Variants in FGF14 observed in about 807,000 individuals in gnomAD.
FGF14 encodes the protein fibroblast growth factor 14.
In FGF14, 5 loss-of-function variants were observed where a neutral mutation model predicts 25.5. That is an observed-to-expected ratio of 0.20 (90% CI 0.10 to 0.41). The LOEUF (loss-of-function observed/expected upper bound fraction) is 0.41. Ranked by LOEUF, FGF14 falls within the 10% of genes least tolerant of loss-of-function variation. The pLI is 1.00. For synonymous variants in FGF14, 138 were observed against 118.3 expected (o/e 1.17, Z -1.08); for missense variants, 222 against 320.1 (o/e 0.69, Z 2.34).
In FGF14 at chr13:101,876,815, G is replaced by T. The variant is rs556668938; in HGVS notation, c.194-1519C>A. Among the ~76,000 whole-genome samples the T allele has an allele frequency of 2.0e-5, 3 of 152,098 alleles. No individual in the cohort carries two copies. In the East Asian group the frequency reaches 5.8e-4, roughly 29 times the overall value. On this transcript the variant is annotated intron_variant, in intron 1 of 4. Transcript: ENST00000376143. ...GCACTAGTGGAAAAAAAATACTATT[G>T]TGCCTAAGTCTGCCCATCACCTGGA... is the stretch of plus-strand genomic sequence containing the variant.
At chr13:102,307,505 G>A (rs906835976) in intron 1 of FGF14, among the ~76,000 whole-genome samples, 1 of 152,030 alleles carries the variant, frequency 6.6e-6, no homozygotes, top group African/African-American at 2.4e-5. Flanking sequence ...ACTAAATTCT[G>A]TACAATATCC....
At chr13:102,197,062 A>G (rs1368922170) in intron 1 of FGF14, among the ~76,000 whole-genome samples, 1 of 152,082 alleles carries the variant, frequency 6.6e-6, no homozygotes, top group Non-Finnish European at 1.5e-5. Flanking sequence ...TTCTGTGAGT[A>G]GTATCTGCTA....
At chr13:101,932,338 T>C (rs1310995399) in intron 1 of FGF14, among the ~76,000 whole-genome samples, 1 of 152,026 alleles carries the variant, frequency 6.6e-6, no homozygotes, top group South Asian at 2.1e-4. Flanking sequence ...GTGACCAGCC[T>C]GGCCAACATG....
At chr13:101,839,378 A>T (rs1352107378) in intron 3 of FGF14, among the ~76,000 whole-genome samples, 1 of 152,020 alleles carries the variant, frequency 6.6e-6, no homozygotes, top group East Asian at 1.9e-4. Flanking sequence ...TAGTACTTGA[A>T]GGCGACATTT....
intron 1 of FGF14, among the ~76,000 whole-genome samples, chr13:101,945,495 T>C (rs1383329758): frequency 1.3e-5 from 2 of 152,188 alleles, no homozygotes; most frequent in East Asian, 3.8e-4. Flanking sequence ...CTGCTGGAGT[T>C]GGGGGAGACC....
chr13:102,043,770 G>C (rs2041854126), intron 1 of FGF14, among the ~76,000 whole-genome samples: 1 of 152,094 alleles, frequency 6.6e-6, no homozygotes, highest in South Asian at 2.1e-4. Flanking sequence ...TTATCTTGTT[G>C]ATCTTGGGCA....
intron 3 of FGF14, among the ~76,000 whole-genome samples, chr13:101,826,056 A>G (rs952248637): frequency 5.9e-5 from 9 of 152,146 alleles, no homozygotes; most frequent in African/African-American, 2.2e-4. Context: ...TTATATACAA[A>G]TGCATATCTG....
intron 1 of FGF14, among the ~76,000 whole-genome samples, chr13:102,329,625 T>C (rs77851162): frequency 0.019 from 2,958 of 152,252 alleles, 34 homozygotes; most frequent in Non-Finnish European, 0.032. Context: ...GGCCTTTCAG[T>C]TCCTTGCATC....
rs577183456 is a variant in FGF14, at chr13:101,801,651, T to A, written c.408+67074A>T. Among the ~76,000 whole-genome samples, 5 of 152,048 alleles carry A rather than the reference T, an allele frequency of 3.3e-5. No homozygotes were observed. The South Asian group carries it at 1.0e-3, about 32-fold the overall frequency. On this transcript the variant is annotated intron_variant, in intron 3 of 4. Transcript: ENST00000376143. ...AAGTGGGAGCATCTGAGAAAACAGGTTGGTTAAGAATTAGTTTGAAACACA... is the reference window on the plus strand; with the variant it reads ...AAGTGGGAGCATCTGAGAAAACAGGATGGTTAAGAATTAGTTTGAAACACA...
chr13:102,177,163 C>T (rs971218024), intron 1 of FGF14, among the ~76,000 whole-genome samples: 3 of 152,122 alleles, frequency 2.0e-5, no homozygotes, highest in Non-Finnish European at 2.9e-5. Flanking sequence ...ATGTGAAATA[C>T]GTCTTCATAG....
At chr13:102,247,756 A>G (rs1223766051) in intron 1 of FGF14, among the ~76,000 whole-genome samples, 1 of 152,042 alleles carries the variant, frequency 6.6e-6, no homozygotes, top group Non-Finnish European at 1.5e-5. Context: ...CCCAAAGGAA[A>G]ATACATCGCT....
chr13:101,997,434 T>C (rs758034565), intron 1 of FGF14, among the ~76,000 whole-genome samples: 7 of 152,182 alleles, frequency 4.6e-5, no homozygotes, highest in Non-Finnish European at 1.0e-4. Flanking sequence ...TAAATAAAAT[T>C]ATTAATGCTA....
chr13:102,144,235 TA>T (rs1345294007), intron 1 of FGF14, among the ~76,000 whole-genome samples: 1 of 152,072 alleles, frequency 6.6e-6, no homozygotes, highest in African/African-American at 2.4e-5. Context: ...ATAGTAAGAT[TA>T]AAAAATTTTT....
At chr13:102,068,666 C>G (rs878993376) in intron 1 of FGF14, among the ~76,000 whole-genome samples, 1 of 152,216 alleles carries the variant, frequency 6.6e-6, no homozygotes, top group Non-Finnish European at 1.5e-5. Flanking sequence ...GCCAGCCCAC[C>G]GGCGCTGTGC....
At chr13:102,169,194 G>A (rs1400603803) in intron 1 of FGF14, among the ~76,000 whole-genome samples, 7 of 151,056 alleles carry the variant, frequency 4.6e-5, no homozygotes, top group African/African-American at 1.5e-4. Flanking sequence ...TTATAGGCTC[G>A]GCTTTTCACA....
At chr13:102,105,417 A>G (rs983540057) in intron 1 of FGF14, among the ~76,000 whole-genome samples, 1 of 152,154 alleles carries the variant, frequency 6.6e-6, no homozygotes, top group African/African-American at 2.4e-5. Context: ...GGAAACACTG[A>G]CCTATTTTAT....
chr13:102,063,162 T>C (rs1017168967), intron 1 of FGF14, among the ~76,000 whole-genome samples: 17 of 152,176 alleles, frequency 1.1e-4, no homozygotes, highest in East Asian at 1.9e-4. Context: ...TTCTATAACA[T>C]AGTGAAATGA....
chr13:102,227,405 C>A (rs1291854689), intron 1 of FGF14, among the ~76,000 whole-genome samples: 1 of 152,082 alleles, frequency 6.6e-6, no homozygotes, highest in Admixed American at 6.6e-5. Context: ...GGGGCACTTG[C>A]CTTTATTCTA....
At chr13:102,361,444 T>C (rs1481193113) in intron 1 of FGF14, among the ~76,000 whole-genome samples, 1 of 152,208 alleles carries the variant, frequency 6.6e-6, no homozygotes, top group African/African-American at 2.4e-5. Flanking sequence ...AGATGTAGAC[T>C]GGCCATGGGG....
Sources: gnomAD v4.1 joint callset for allele counts (sites outside exome capture counted in the v4.1 genomes callset) on GRCh38, gnomAD v4.1.1 for gene constraint, MANE v1.5 for transcripts, NCBI Gene and HGNC (gene_info 2026-07-23, HGNC 2026-07-21) for gene names.